MCC: variants seen among roughly 807,000 people sequenced by gnomAD.
The protein encoded by MCC is colorectal mutant cancer protein.
In MCC, 90 loss-of-function variants were observed where a neutral mutation model predicts 116.2. The observed-to-expected ratio is 0.77, with a 90% CI of 0.65 to 0.92. The LOEUF is 0.92. Among genes scored for constraint, MCC ranks in the 40% least tolerant of loss-of-function variants. The probability of loss-of-function intolerance (pLI) is 0.00; values close to 1 mark genes in which losing one functional copy is unlikely to be tolerated. For missense variants in MCC, 1,516 were observed against 1,312.2 expected (o/e 1.16, Z -2.40); for synonymous variants, 578 against 510.5 (o/e 1.13, Z -1.78).
At chr5:113,151,229 C>T in intron 4 of MCC, 80 bp downstream of exon 4, 2 of 817,128 alleles carry the variant, frequency 2.4e-6, no homozygotes, top group Non-Finnish European at 4.0e-6. Flanking sequence ...GTGGGAATTT[C>T]TGTACTCATG....
intron 3 of MCC, among the ~76,000 whole-genome samples, chr5:113,158,929 GTA>G (rs1007294201): frequency 1.3e-5 from 2 of 152,128 alleles, no homozygotes; most frequent in African/African-American, 2.4e-5. Context: ...TTGTGTCCAT[GTA>G]TGTGTGTGTG....
intron 3 of MCC, among the ~76,000 whole-genome samples, chr5:113,244,955 T>C (rs1241542799): frequency 1.3e-5 from 2 of 152,254 alleles, no homozygotes; most frequent in African/African-American, 2.4e-5. Flanking sequence ...AGAAACTTAA[T>C]ATTGATTAGC....
chr5:113,458,674 G>C (rs1771651008), intron 1 of MCC, among the ~76,000 whole-genome samples: 1 of 152,190 alleles, frequency 6.6e-6, no homozygotes, highest in Non-Finnish European at 1.5e-5. Flanking sequence ...TGTGCTGCTT[G>C]TATAGGCTAG....
At chr5:113,177,443 T>C (rs1761396313) in intron 3 of MCC, among the ~76,000 whole-genome samples, 1 of 152,212 alleles carries the variant, frequency 6.6e-6, no homozygotes, top group South Asian at 2.1e-4. Flanking sequence ...CTTTCAGCAA[T>C]GGTTAGGAAA....
chr5:113,239,741 T>TA (rs1308085686), intron 3 of MCC, among the ~76,000 whole-genome samples: 4 of 152,206 alleles, frequency 2.6e-5, no homozygotes, highest in African/African-American at 9.6e-5. Flanking sequence ...GCAACTATGG[T>TA]ATATACACTC....
In MCC at chr5:113,147,996, C is replaced by G. The variant is rs528120326; in HGVS notation, c.741+3313G>C. 3.3e-5 allele frequency among the ~76,000 whole-genome samples: 5 copies of G among 152,282 alleles called. No homozygotes were observed. The East Asian group carries it at 9.6e-4, about 29-fold the overall frequency. On this transcript the variant is annotated intron_variant, in intron 4 of 18. Transcript: ENST00000408903. ...AAGATAAGGAGCTTACGAAGTATTC[C>G]ACATTACTGCTCACCTATTTTAAAG...
chr5:113,294,692 G>T lies in MCC; in HGVS notation c.627+45827C>A, dbSNP rs377046426. 1.1e-4 allele frequency: 114 copies of T among 1,033,124 alleles called. 2 individuals carry two copies. The East Asian group carries it at 6.8e-3, about 62-fold the overall frequency. 64.0% of individuals were successfully genotyped at this position (1,033,124 alleles called of 1,614,324 possible). ...CGCGCACCCAGCGCCCCGTTCCGGGGCAGTGCCACCCTGGGCGCCGCCTCG... is the reference window on the plus strand; with the variant it reads ...CGCGCACCCAGCGCCCCGTTCCGGGTCAGTGCCACCCTGGGCGCCGCCTCG... On this transcript the variant is annotated intron_variant, in intron 3 of 18. Coordinates refer to ENST00000408903, the MANE Select transcript of MCC (RefSeq NM_001085377.2).
At chr5:113,069,706 T>C (rs1305720741) in intron 12 of MCC, among the ~76,000 whole-genome samples, 2 of 152,180 alleles carry the variant, frequency 1.3e-5, no homozygotes, top group Non-Finnish European at 2.9e-5. Flanking sequence ...CTCAGCCTCC[T>C]GAGTAGCTGG....
In MCC at chr5:113,340,779, C is replaced by A. The variant is rs752299610; in HGVS notation, c.416-49G>T. ...AATGAAAAGACATTTCCTTCATTAG[C>A]CTGTGGGTGGCCAATAGGCAATGAT... is the stretch of plus-strand genomic sequence containing the variant. On this transcript the variant is annotated intron_variant, in intron 2 of 18. Coordinates refer to ENST00000408903, the MANE Select transcript of MCC (RefSeq NM_001085377.2). The A allele has an allele frequency of 3.9e-6, 6 of 1,519,002 alleles. No individual in the cohort carries two copies. In the South Asian group the frequency reaches 7.0e-5, roughly 18 times the overall value. 94.1% of individuals were successfully genotyped at this position (1,519,002 alleles called of 1,614,324 possible).
At chr5:113,079,504 C>T (rs1754694466) in intron 11 of MCC, among the ~76,000 whole-genome samples, 1 of 152,088 alleles carries the variant, frequency 6.6e-6, no homozygotes, top group Admixed American at 6.6e-5. Flanking sequence ...AATAATACCG[C>T]ACATCTACAA....
chr5:113,027,297 G>C lies in MCC; in HGVS notation c.*5C>G. On this transcript the variant is annotated 3_prime_UTR_variant, in exon 19 of 19. Coordinates refer to ENST00000408903, the MANE Select transcript of MCC (RefSeq NM_001085377.2). Reference sequence around the variant, plus strand: ...ATGGGCAGAACTCCGGTGCGTGAGTGCTGATTAAAGCGAAGTTTCATTGGT... The same window carrying C: ...ATGGGCAGAACTCCGGTGCGTGAGTCCTGATTAAAGCGAAGTTTCATTGGT... 6.2e-7 allele frequency: 1 copy of C among 1,613,908 alleles called. No homozygotes were observed. The highest frequency in any genetic ancestry group is 8.5e-7 in the Non-Finnish European group (1 of 1,179,870).
chr5:113,380,951 G>A (rs1413759671), intron 2 of MCC, among the ~76,000 whole-genome samples: 1 of 152,168 alleles, frequency 6.6e-6, no homozygotes, highest in Non-Finnish European at 1.5e-5. Context: ...TAAGGAATTT[G>A]GACTTTATTT....
intron 2 of MCC, among the ~76,000 whole-genome samples, chr5:113,365,036 A>G (rs1768652321): frequency 6.6e-6 from 1 of 152,186 alleles, no homozygotes; most frequent in South Asian, 2.1e-4. Flanking sequence ...GGCTATTTGC[A>G]CTTGGCTCTT....
chr5:113,444,956 C>G (rs1279290955), intron 1 of MCC, among the ~76,000 whole-genome samples: 1 of 152,180 alleles, frequency 6.6e-6, no homozygotes, highest in Non-Finnish European at 1.5e-5. Flanking sequence ...ATTTAAGTAA[C>G]TTATCCAAGG....
intron 1 of MCC, among the ~76,000 whole-genome samples, chr5:113,423,782 C>G (rs1022796711): frequency 6.6e-6 from 1 of 152,118 alleles, no homozygotes; most frequent in African/African-American, 2.4e-5. Context: ...GTTTTCTCAA[C>G]CCGGGCAGAA....
chr5:113,063,082 C>T (rs912009983), intron 14 of MCC, among the ~76,000 whole-genome samples: 2 of 152,196 alleles, frequency 1.3e-5, no homozygotes, highest in Non-Finnish European at 2.9e-5. Context: ...CCAGGCAGGT[C>T]ACTGACATTA....
chr5:113,186,230 A>G (rs1425989273), intron 3 of MCC, among the ~76,000 whole-genome samples: 1 of 152,174 alleles, frequency 6.6e-6, no homozygotes, highest in Non-Finnish European at 1.5e-5. Context: ...CTTCTCACAC[A>G]GGGAAATCCA....
intron 5 of MCC, among the ~76,000 whole-genome samples, chr5:113,124,981 C>A (rs1447823995): frequency 6.6e-6 from 1 of 152,156 alleles, no homozygotes; most frequent in Non-Finnish European, 1.5e-5. Flanking sequence ...ATTTCAGTTA[C>A]GTCACAAGTG....
chr5:113,414,345 T>TC (rs776728191), intron 1 of MCC, among the ~76,000 whole-genome samples: 22 of 152,348 alleles, frequency 1.4e-4, no homozygotes, highest in Non-Finnish European at 2.4e-4. Flanking sequence ...GTCTCATTGA[T>TC]CTGTCTAACA....
Sources: allele counts gnomAD v4.1 joint callset (sites outside exome capture counted in the v4.1 genomes callset), GRCh38; gene constraint gnomAD v4.1.1; transcripts MANE v1.5; gene names NCBI Gene and HGNC (gene_info 2026-07-23, HGNC 2026-07-21).